The following SHISA9 variants were observed in gnomAD, a reference collection of about 807,000 sequenced individuals.
The protein encoded by SHISA9 is protein shisa-9.
A neutral mutation model predicts 38.0 loss-of-function variants in SHISA9; 13 were observed. The ratio of observed to expected loss-of-function variants is 0.34; its 90% confidence interval spans 0.22 to 0.54. SHISA9 has a LOEUF of 0.54. SHISA9 is among the 20% of genes least tolerant of loss of function. The pLI is 0.91. For missense variants in SHISA9, 538 were observed against 575.8 expected (o/e 0.93, Z 0.67); for synonymous variants, 275 against 242.0 (o/e 1.14, Z -1.27).
At chr16:13,482,831 G>A in the SHISA9 span, among the ~76,000 whole-genome samples, 13 of 147,308 alleles carry the variant, frequency 8.8e-5, no homozygotes, top group South Asian at 2.2e-4. Flanking sequence ...AGAGAGAGAC[G>A]TGTCCAAGGT....
chr16:13,388,662 G>A, the SHISA9 span, among the ~76,000 whole-genome samples: 1 of 152,042 alleles, frequency 6.6e-6, no homozygotes, highest in African/African-American at 2.4e-5. Flanking sequence ...CTAACTCTCT[G>A]GCTTTCAGGG....
intron 2 of SHISA9, among the ~76,000 whole-genome samples, chr16:13,052,588 G>A (rs1037283632): frequency 1.3e-5 from 2 of 152,116 alleles, no homozygotes; most frequent in South Asian, 2.1e-4. Context: ...TACAACTGAC[G>A]GACAGACACT....
the SHISA9 span, among the ~76,000 whole-genome samples, chr16:13,445,478 G>A: frequency 6.6e-6 from 1 of 152,166 alleles, no homozygotes; most frequent in Admixed American, 6.5e-5. Context: ...AACGAAGGAA[G>A]ACACAAAGGA....
At chr16:13,047,251 A>G (rs534251790) in intron 2 of SHISA9, among the ~76,000 whole-genome samples, 1 of 152,042 alleles carries the variant, frequency 6.6e-6, no homozygotes, top group South Asian at 2.1e-4. Context: ...CCTTCTGCCC[A>G]TCATGGGAAG....
chr16:13,284,629 G>T, the SHISA9 span, among the ~76,000 whole-genome samples: 1 of 152,024 alleles, frequency 6.6e-6, no homozygotes, highest in African/African-American at 2.4e-5. Flanking sequence ...ACAGAGTCTT[G>T]CTCTGTCACC....
At chr16:13,510,365 A>G in the SHISA9 span, among the ~76,000 whole-genome samples, 62,275 of 152,058 alleles carry the variant, frequency 0.41, 12,894 homozygotes, top group East Asian at 0.54. Context: ...TATTCCCAAG[A>G]TCACAAAACT....
the SHISA9 span, among the ~76,000 whole-genome samples, chr16:13,503,254 T>C: frequency 6.6e-6 from 1 of 152,196 alleles, no homozygotes; most frequent in South Asian, 2.1e-4. Flanking sequence ...ATGACACTAG[T>C]ATAGCGATAT....
the SHISA9 span, among the ~76,000 whole-genome samples, chr16:13,550,093 G>A: frequency 6.6e-6 from 1 of 151,868 alleles, no homozygotes; most frequent in Non-Finnish European, 1.5e-5. Flanking sequence ...ACCCCGGGAA[G>A]ATCTAGAATA....
At chr16:12,996,629 C>T (rs771020606) in intron 2 of SHISA9, among the ~76,000 whole-genome samples, 9 of 152,096 alleles carry the variant, frequency 5.9e-5, no homozygotes, top group Non-Finnish European at 1.0e-4. Flanking sequence ...TTGCTGGCTC[C>T]GCTGGATCAG....
intron 2 of SHISA9, among the ~76,000 whole-genome samples, chr16:13,146,825 C>G (rs16961222): frequency 0.057 from 8,604 of 152,254 alleles, 396 homozygotes; most frequent in East Asian, 0.21. Context: ...GATCTGTTCT[C>G]CAAATTCTTC....
intron 2 of SHISA9, among the ~76,000 whole-genome samples, chr16:12,970,813 C>T (rs376239077): frequency 6.6e-5 from 10 of 151,794 alleles, no homozygotes; most frequent in African/African-American, 2.2e-4. Context: ...TGTGAGCCAC[C>T]GCGCCTGGCC....
intron 2 of SHISA9, among the ~76,000 whole-genome samples, chr16:12,989,977 G>A (rs2072363641): frequency 6.6e-6 from 1 of 152,088 alleles, no homozygotes; most frequent in African/African-American, 2.4e-5. Flanking sequence ...TCCCCTCGCT[G>A]TGTTCATGTG....
At chr16:13,543,890 A>G in the SHISA9 span, among the ~76,000 whole-genome samples, 11 of 152,180 alleles carry the variant, frequency 7.2e-5, no homozygotes, top group African/African-American at 2.7e-4. Flanking sequence ...CATTATTCAA[A>G]TATCTACCTC....
At chr16:13,086,805 C>G (rs916197718) in intron 2 of SHISA9, among the ~76,000 whole-genome samples, 6 of 151,974 alleles carry the variant, frequency 3.9e-5, no homozygotes, top group East Asian at 1.9e-4. Context: ...TTCTAAGAAC[C>G]AGACTTTTAT....
chr16:13,473,777 G>T, the SHISA9 span, among the ~76,000 whole-genome samples: 8 of 152,122 alleles, frequency 5.3e-5, no homozygotes, highest in East Asian at 1.9e-4. Flanking sequence ...AGTAAATCTA[G>T]TAGTAGCCAC....
the SHISA9 span, among the ~76,000 whole-genome samples, chr16:13,465,674 C>T: frequency 6.6e-6 from 1 of 152,206 alleles, no homozygotes; most frequent in Non-Finnish European, 1.5e-5. Context: ...AGTCATTTAT[C>T]TCAAGGTGAT....
intron 2 of SHISA9, among the ~76,000 whole-genome samples, chr16:13,179,719 T>C (rs534877104): frequency 1.1e-3 from 173 of 152,330 alleles, no homozygotes; most frequent in South Asian, 3.3e-3. Context: ...TTTTGAGATT[T>C]GGTGTGGAAA....
At chr16:13,073,078 A>G (rs534118939) in intron 2 of SHISA9, among the ~76,000 whole-genome samples, 1 of 152,322 alleles carries the variant, frequency 6.6e-6, no homozygotes, top group Admixed American at 6.5e-5. Flanking sequence ...GACGTGAGCT[A>G]CAATGCTCGT....
the SHISA9 span, among the ~76,000 whole-genome samples, chr16:13,385,947 A>G: frequency 6.6e-6 from 1 of 152,200 alleles, no homozygotes; most frequent in South Asian, 2.1e-4. Flanking sequence ...GAAATGACAA[A>G]ATTAGATGAG....
Sources: gnomAD v4.1 joint callset for allele counts (sites outside exome capture counted in the v4.1 genomes callset) on GRCh38, gnomAD v4.1.1 for gene constraint, MANE v1.5 for transcripts, NCBI Gene and HGNC (gene_info 2026-07-23, HGNC 2026-07-21) for gene names.